The following PRKN variants were observed in gnomAD, a reference collection of about 807,000 sequenced individuals.
PRKN encodes parkin RBR E3 ubiquitin protein ligase.
In PRKN, 56 loss-of-function variants were observed where a neutral mutation model predicts 59.5. The ratio of observed to expected loss-of-function variants is 0.94; its 90% CI spans 0.76 to 1.18. PRKN has a LOEUF of 1.18. Among genes scored for constraint, PRKN ranks in the 50% most tolerant of loss-of-function variants. PRKN has a pLI of 0.00. For missense variants in PRKN, 657 were observed against 596.4 expected (o/e 1.10, Z -1.06); for synonymous variants, 250 against 222.1 (o/e 1.13, Z -1.12).
chr6:161,955,018 A>G (rs553013215), intron 6 of PRKN, among the ~76,000 whole-genome samples: 21 of 152,326 alleles, frequency 1.4e-4, no homozygotes, highest in Non-Finnish European at 2.8e-4. Context: ...AGACCATGAA[A>G]CAATGGAGAG....
At chr6:162,344,620 T>A (rs1289324475) in intron 2 of PRKN, among the ~76,000 whole-genome samples, 8 of 88,084 alleles carry the variant, frequency 9.1e-5, no homozygotes, top group Non-Finnish European at 1.5e-4. Flanking sequence ...GGCGTCTTTA[T>A]GATGCCCCCT....
In PRKN at chr6:162,478,758, C is replaced by T. The variant is rs569953528; in HGVS notation, c.8-35285G>A. Among the ~76,000 whole-genome samples, 20 of 152,260 alleles carry T rather than the reference C, an allele frequency of 1.3e-4. No homozygotes were observed. In the South Asian group the frequency reaches 1.5e-3, roughly 11 times the overall value. On this transcript the variant is annotated intron_variant, in intron 1 of 11. Transcript: ENST00000366898. Reference sequence around the variant, plus strand: ...CAGCCTGCTGCTCTTGGCTACAAACCGGCACAACATGTTTACTGAATGCCT... The same window carrying T: ...CAGCCTGCTGCTCTTGGCTACAAACTGGCACAACATGTTTACTGAATGCCT...
intron 7 of PRKN, among the ~76,000 whole-genome samples, chr6:161,635,075 T>G (rs527485151): frequency 9.8e-5 from 15 of 152,286 alleles, no homozygotes; most frequent in South Asian, 4.1e-4. Context: ...GCAGAATCCT[T>G]GGGAATCATT....
chr6:161,674,941 G>C (rs1785036221), intron 7 of PRKN, among the ~76,000 whole-genome samples: 1 of 152,198 alleles, frequency 6.6e-6, no homozygotes, highest in Admixed American at 6.5e-5. Context: ...CCTCTTGACA[G>C]TCACCGTATT....
chr6:162,428,286 C>T (rs1173020613), intron 2 of PRKN, among the ~76,000 whole-genome samples: 1 of 152,124 alleles, frequency 6.6e-6, no homozygotes, highest in Admixed American at 6.5e-5. Context: ...CATCTAACCT[C>T]ATCTTGACTG....
intron 5 of PRKN, among the ~76,000 whole-genome samples, chr6:162,012,506 C>T (rs1175244146): frequency 1.3e-5 from 2 of 151,980 alleles, no homozygotes; most frequent in Non-Finnish European, 2.9e-5. Context: ...GATAGGATGT[C>T]CCTTTACCCC....
intron 1 of PRKN, among the ~76,000 whole-genome samples, chr6:162,535,486 A>G (rs570231726): frequency 6.6e-6 from 1 of 152,172 alleles, no homozygotes; most frequent in East Asian, 1.9e-4. Context: ...CCCATTTCCT[A>G]TATATGAATA....
At chr6:162,045,622 T>C (rs1784221154) in intron 5 of PRKN, among the ~76,000 whole-genome samples, 1 of 152,224 alleles carries the variant, frequency 6.6e-6, no homozygotes. Context: ...AAAAACTAAA[T>C]TTTACTGTGG....
intron 7 of PRKN, among the ~76,000 whole-genome samples, chr6:161,745,869 G>A (rs1220187680): frequency 6.6e-6 from 1 of 152,220 alleles, no homozygotes; most frequent in African/African-American, 2.4e-5. Context: ...AATTAGGACT[G>A]TAATATGATG....
At chr6:161,496,665 G>A (rs1777762729) in intron 9 of PRKN, among the ~76,000 whole-genome samples, 2 of 152,112 alleles carry the variant, frequency 1.3e-5, no homozygotes, top group Admixed American at 1.3e-4. Context: ...TGATCTGTGG[G>A]GATTATTACA....
chr6:162,626,830 AT>A (rs1316987839), intron 1 of PRKN, among the ~76,000 whole-genome samples: 8 of 137,010 alleles, frequency 5.8e-5, no homozygotes, highest in Non-Finnish European at 1.2e-4. Flanking sequence ...AAAAAAAAAA[AT>A]TTAACTGAGC....
At chr6:161,967,706 G>A (rs989958144) in intron 6 of PRKN, among the ~76,000 whole-genome samples, 6 of 152,162 alleles carry the variant, frequency 3.9e-5, no homozygotes, top group Non-Finnish European at 2.9e-5. Context: ...CAGCTTGAGA[G>A]CATGCCTGGG....
chr6:162,016,945 C>T (rs570315109), intron 5 of PRKN, among the ~76,000 whole-genome samples: 3 of 152,126 alleles, frequency 2.0e-5, no homozygotes, highest in Admixed American at 1.3e-4. Context: ...CTCACACACG[C>T]GGCTCTGAAA....
chr6:162,510,879 T>C (rs6455838), intron 1 of PRKN, among the ~76,000 whole-genome samples: 146,015 of 152,084 alleles, frequency 0.96, 70,221 homozygotes, highest in Non-Finnish European at 0.97. Context: ...GCCGAGATTG[T>C]GCCACTGCAC....
At chr6:162,575,192 T>A (rs899584699) in intron 1 of PRKN, among the ~76,000 whole-genome samples, 2 of 152,138 alleles carry the variant, frequency 1.3e-5, no homozygotes, top group African/African-American at 2.4e-5. Flanking sequence ...TGGATCTGCA[T>A]CTATCTTCAT....
rs185718734 is a variant in PRKN, at chr6:161,425,847, C to T, written c.1084-38970G>A. Among the ~76,000 whole-genome samples the T allele has an allele frequency of 2.7e-4, 41 of 152,274 alleles. 1 individual carries two copies. Among genetic ancestry groups the T allele is most frequent in the African/African-American group, 8.2e-4 (34 of 41,550 alleles). On this transcript the variant is annotated intron_variant, in intron 9 of 11. Transcript: ENST00000366898. The stretch of plus-strand genomic sequence containing the variant: ...ATCAGTAATTCCCCCCATATTCACA[C>T]GGTGCCCCTGTTCCTTGGAAGACAT...
intron 1 of PRKN, among the ~76,000 whole-genome samples, chr6:162,629,987 C>T (rs1421958486): frequency 2.0e-5 from 3 of 152,146 alleles, no homozygotes; most frequent in Non-Finnish European, 4.4e-5. Context: ...GATAAACTAC[C>T]TAGCTGCAGT....
rs140070212 is a variant in PRKN, at chr6:162,467,221, C to T, written c.8-23748G>A. Among the ~76,000 whole-genome samples, 610 of 152,252 alleles carry T rather than the reference C, an allele frequency of 4.0e-3. 3 individuals carry two copies. Among genetic ancestry groups the T allele is most frequent in the Non-Finnish European group, 6.0e-3 (405 of 68,020 alleles). On this transcript the variant is annotated intron_variant, in intron 1 of 11. Transcript: ENST00000366898. ...CTCCACAGCTTTCATCAATATCAAA[C>T]ACAATTCATCATGAAAATCAAGATT...
chr6:161,751,444 A>G (rs975094533), intron 7 of PRKN, among the ~76,000 whole-genome samples: 11 of 152,346 alleles, frequency 7.2e-5, no homozygotes, highest in African/African-American at 2.6e-4. Flanking sequence ...ATCTTGCACT[A>G]AATCTGTACT....
Sources: gnomAD v4.1 joint callset for allele counts (sites outside exome capture counted in the v4.1 genomes callset) on GRCh38, gnomAD v4.1.1 for gene constraint, MANE v1.5 for transcripts, NCBI Gene and HGNC (gene_info 2026-07-23, HGNC 2026-07-21) for gene names.